Variants in DNAH10 observed in about 807,000 individuals in gnomAD.
DNAH10 encodes dynein axonemal heavy chain 10.
DNAH10 carries 348 observed loss-of-function variants against 506.6 expected under a neutral mutation model. The ratio of observed to expected loss-of-function variants is 0.69; its 90% CI spans 0.63 to 0.75. The LOEUF (loss-of-function observed/expected upper bound fraction) is 0.75, where lower values mean the gene tolerates loss of function less well. Among genes scored for constraint, DNAH10 ranks in the 30% least tolerant of loss-of-function variants. DNAH10 has a pLI of 0.00. For synonymous variants in DNAH10, 2,059 were observed against 2,198.6 expected (o/e 0.94, Z 1.78); for missense variants, 5,179 against 5,787.1 (o/e 0.89, Z 3.41).
chr12:123,926,289 C>A lies in DNAH10; in HGVS notation c.11922-348C>A, dbSNP rs1954939791. On this transcript the variant is annotated intron_variant, in intron 68 of 78. Coordinates refer to ENST00000673944, the MANE Select transcript of DNAH10 (RefSeq NM_001372106.1). The surrounding 1 kb of genome is among the most constrained non-coding windows in gnomAD (Gnocchi z 4.1). ...AAAAACCCACACACAAAACACAAAA[C>A]TCAAAACTCAAGATGTGGACCATTC... 1 of 224,826 alleles carries A rather than the reference C, an allele frequency of 4.4e-6. No individual in the cohort carries two copies. The highest frequency in any genetic ancestry group is 8.5e-6 in the Non-Finnish European group (1 of 117,046). The allele number at this position is 224,826 out of a possible 1,614,324, so 13.9% of individuals were successfully genotyped here. A position where few individuals can be genotyped will look rare whatever the true frequency, so the allele number is the denominator to read the frequency against.
intron 50 of DNAH10, among the ~76,000 whole-genome samples, chr12:123,880,426 A>G (rs1253224238): frequency 2.0e-5 from 3 of 151,886 alleles, no homozygotes; most frequent in East Asian, 3.9e-4. Flanking sequence ...TGCAGCCTCA[A>G]CCTCCTGGGC....
intron 73 of DNAH10, among the ~76,000 whole-genome samples, chr12:123,931,051 C>A (rs1255940834): frequency 6.6e-6 from 1 of 151,872 alleles, no homozygotes; most frequent in Non-Finnish European, 1.5e-5. Flanking sequence ...AACAAAAAAA[C>A]AAAAAACAAA....
intron 44 of DNAH10, among the ~76,000 whole-genome samples, chr12:123,870,956 C>G (rs1566022849): frequency 6.6e-6 from 1 of 152,160 alleles, no homozygotes; most frequent in Non-Finnish European, 1.5e-5. Context: ...GCTGGCTATT[C>G]AGGTAAAATA....
At chr12:123,790,487 A>C (rs1958037568) in intron 11 of DNAH10, among the ~76,000 whole-genome samples, 1 of 152,218 alleles carries the variant, frequency 6.6e-6, no homozygotes, top group East Asian at 1.9e-4. Flanking sequence ...GCGTTTTGTC[A>C]GAAGGCGGGG....
intron 66 of DNAH10, 109 bp downstream of exon 66, chr12:123,923,976 G>A: frequency 1.2e-6 from 1 of 842,688 alleles, no homozygotes; most frequent in East Asian, 2.7e-5. Flanking sequence ...TTAAAACTTG[G>A]CTTCCAACAG....
intron 56 of DNAH10, among the ~76,000 whole-genome samples, chr12:123,899,301 T>TG (rs1953407040): frequency 6.6e-6 from 1 of 152,184 alleles, no homozygotes; most frequent in African/African-American, 2.4e-5. Flanking sequence ...TCGCGATGCC[T>TG]GGCACAGGAC....
chr12:123,848,008 C>T lies in DNAH10; in HGVS notation c.5862C>T (p.Thr1954=), dbSNP rs202158921. The T allele has an allele frequency of 4.4e-5, 71 of 1,613,948 alleles. No individual in the cohort carries two copies. Among genetic ancestry groups the T allele is most frequent in the African/African-American group, 1.5e-4 (11 of 75,050 alleles). Residue 1954 remains threonine (T), a synonymous_variant, in exon 33 of 79, where the codon ACC becomes ACT. Coordinates refer to ENST00000673944, the MANE Select transcript of DNAH10 (RefSeq NM_001372106.1). ...GGGCCCCCGCCGGCCCAGCAGGAAC[C>T]GGCAAAACCGAGACCACCAAGGACC... ...LGGAPAGPAG[T]GKTETTKDLA...
chr12:123,916,636 G>A lies in DNAH10; in HGVS notation c.10902G>A (p.Val3634=), dbSNP rs1954493005. The change falls in exon 63 of 79, where the codon GTG becomes GTA. Residue 3634 remains valine (V), a synonymous_variant. Transcript: ENST00000673944. The surrounding 1 kb of genome is among the most constrained non-coding windows in gnomAD (Gnocchi z 4.6). ...TTATTATCCTGGGAGACAAGGAAGT[G>A]GACTATGATTCAAATTTCAGACTGT... ...RQFIILGDKE[V]DYDSNFRLYL... 11 of 1,613,878 alleles carry A rather than the reference G, an allele frequency of 6.8e-6. No homozygotes were observed. In the East Asian group the frequency reaches 2.2e-4, roughly 33 times the overall value.
chr12:123,766,193 A>G (rs974511234), intron 1 of DNAH10, among the ~76,000 whole-genome samples: 1 of 151,824 alleles, frequency 6.6e-6, no homozygotes, highest in Admixed American at 6.6e-5. Flanking sequence ...CTATCTATCT[A>G]TGTACCTACC....
At chr12:123,775,283 A>G (rs1018515658) in intron 5 of DNAH10, among the ~76,000 whole-genome samples, 5 of 151,812 alleles carry the variant, frequency 3.3e-5, no homozygotes, top group African/African-American at 7.3e-5. Flanking sequence ...TCATTTTTGT[A>G]CTTATTGTAG....
chr12:123,839,240 C>A (rs939319508), intron 29 of DNAH10, among the ~76,000 whole-genome samples: 20 of 150,594 alleles, frequency 1.3e-4, no homozygotes, highest in Middle Eastern at 3.5e-3. Context: ...AACAAAAAAA[C>A]CAGAAATATA....
chr12:123,768,931 GTC>G (rs750037307), intron 2 of DNAH10, among the ~76,000 whole-genome samples: 35 of 151,938 alleles, frequency 2.3e-4, no homozygotes, highest in Non-Finnish European at 4.0e-4. Flanking sequence ...TAGAGATGGG[GTC>G]TCACTATGTT....
At chr12:123,933,577 A>C in intron 77 of DNAH10, 66 bp downstream of exon 77, 1 of 1,505,430 alleles carries the variant, frequency 6.6e-7, no homozygotes, top group Non-Finnish European at 8.9e-7. Context: ...ACCACCTCCA[A>C]CTCAAAGGGA....
chr12:123,765,589 T>TATCTATCTA (rs1957004245), intron 1 of DNAH10, among the ~76,000 whole-genome samples: 3 of 150,960 alleles, frequency 2.0e-5, no homozygotes, highest in Admixed American at 6.6e-5. Context: ...TCTATCTATC[T>TATCTATCTA]ATCTATCTAT....
Position 123,913,105 on chromosome 12 carries a change from G to A in DNAH10, c.10142G>A (p.Arg3381Lys). 6.2e-7 allele frequency: 1 copy of A among 1,609,160 alleles called. No homozygotes were observed. Residue 3381 changes from arginine to lysine, a missense_variant, in exon 60 of 79, where the codon AGG (arginine) becomes AAG (lysine). By Grantham distance (26) the Arg-to-Lys change is conservative. Around this residue, in one of 3 missense-constraint regions of DNAH10, gnomAD observed 4,844 missense variants for 5,430.5 expected, o/e 0.89. Coordinates refer to ENST00000673944, the MANE Select transcript of DNAH10 (RefSeq NM_001372106.1). This position sits in a 1 kb window ranked among gnomAD's most constrained non-coding sequence, Gnocchi z 5.1. ...EIKPKREKVARLERNFYLTKR... is the reference protein window; with the variant it reads ...EIKPKREKVAKLERNFYLTKR... ...CAAATTGTCTTCACTTAGGTGGCCAGGCTGGAGCGGAATTTTTACCTCACT... is the reference window on the plus strand; with the variant it reads ...CAAATTGTCTTCACTTAGGTGGCCAAGCTGGAGCGGAATTTTTACCTCACT...
At position 123,902,806 on chromosome 12, in the gene DNAH10, C is replaced by T. The variant is rs1953584903; in HGVS notation, c.9641-133C>T. On this transcript the variant is annotated intron_variant, in intron 56 of 78. Coordinates refer to ENST00000673944, the MANE Select transcript of DNAH10 (RefSeq NM_001372106.1). This position sits in a 1 kb window ranked among gnomAD's most constrained non-coding sequence, Gnocchi z 4.5. ...CCCACCAGGATCACTGAGGCTGCCACATTGGCCAGAGCCCCTTAGATCCCC... is the reference window on the plus strand; with the variant it reads ...CCCACCAGGATCACTGAGGCTGCCATATTGGCCAGAGCCCCTTAGATCCCC... 1 of 1,165,542 alleles carries T rather than the reference C, an allele frequency of 8.6e-7. No individual in the cohort carries two copies. The highest frequency in any genetic ancestry group is 1.2e-6 in the Non-Finnish European group (1 of 850,828). 72.2% of individuals were successfully genotyped at this position (1,165,542 alleles called of 1,614,324 possible). A position where few individuals can be genotyped will look rare whatever the true frequency, so the allele number is the denominator to read the frequency against.
At chr12:123,876,692 G>A (rs1952269572) in intron 47 of DNAH10, among the ~76,000 whole-genome samples, 1 of 151,984 alleles carries the variant, frequency 6.6e-6, no homozygotes, top group Non-Finnish European at 1.5e-5. Context: ...GCTGGGCATG[G>A]TGGCTCACAC....
intron 28 of DNAH10, among the ~76,000 whole-genome samples, chr12:123,836,632 G>A (rs574989642): frequency 6.6e-6 from 1 of 152,264 alleles, no homozygotes; most frequent in African/African-American, 2.4e-5. Flanking sequence ...ATTATAGGTG[G>A]CCAGTTCATG....
intron 5 of DNAH10, among the ~76,000 whole-genome samples, chr12:123,779,618 A>AGAGG (rs1957569333): frequency 6.6e-6 from 1 of 151,638 alleles, no homozygotes; most frequent in African/African-American, 2.4e-5. Flanking sequence ...AGAGAGAGAG[A>AGAGG]GAGAAACAAA....
Sources: allele counts gnomAD v4.1 joint callset (sites outside exome capture counted in the v4.1 genomes callset), GRCh38; gene constraint gnomAD v4.1.1; regional missense constraint gnomAD v4.1.1; non-coding constraint Gnocchi (gnomAD v3.1); transcripts MANE v1.5; gene names NCBI Gene and HGNC (gene_info 2026-07-23, HGNC 2026-07-21).